The following MON2 variants were observed in gnomAD, a reference collection of about 807,000 sequenced individuals.
MON2 encodes MON2 regulator of endosome-to-Golgi trafficking, also known as protein MON2 homolog.
In MON2, 84 loss-of-function variants were observed where a neutral mutation model predicts 208.6. That is an observed-to-expected ratio of 0.40 (90% CI 0.34 to 0.48). The LOEUF (loss-of-function observed/expected upper bound fraction) is 0.48, where lower values mean the gene tolerates loss of function less well. Ranked by LOEUF, MON2 falls within the 20% of genes least tolerant of loss-of-function variation. MON2 has a pLI of 0.59. For missense variants in MON2, 1,611 were observed against 2,015.4 expected, an observed-to-expected ratio of 0.80 and a Z score of 3.84; for synonymous variants, 660 against 694.0, an observed-to-expected ratio of 0.95 and a Z score of 0.77.
chr12:62,549,640 C>T, intron 22 of MON2, 28 bp from the exon 23 acceptor site: 1 of 1,544,556 alleles, frequency 6.5e-7, no homozygotes, highest in East Asian at 2.3e-5. Context: ...AAAATAAGTG[C>T]ATCTGTATAC....
At chr12:62,506,617 T>A (rs1175832321) in intron 7 of MON2, among the ~76,000 whole-genome samples, 2 of 151,870 alleles carry the variant, frequency 1.3e-5, no homozygotes, top group African/African-American at 4.8e-5. Context: ...TCTCAGCTAC[T>A]TGGGAGGCTG....
rs1170644025 is a variant in MON2, at chr12:62,538,464, T to C, written c.2323T>C (p.Leu775=). The part of the protein sequence containing the change: ...LHHLINALCS[L]SLEAMDMAYG... ...TCATTTAATAAATGCACTTTGCTCC[T>C]TGTCTCTAGAAGCAATGGATATGGC... is the stretch of plus-strand genomic sequence containing the variant. The change falls in exon 19 of 35, where the codon TTG becomes CTG. Residue 775 remains leucine, a synonymous_variant. Coordinates refer to ENST00000393630, the MANE Select transcript of MON2 (RefSeq NM_015026.3). 6.8e-6 allele frequency: 11 copies of C among 1,611,422 alleles called. No individual in the cohort carries two copies. Among genetic ancestry groups the C allele is most frequent in the Non-Finnish European group, 8.5e-6 (10 of 1,178,062 alleles).
intron 11 of MON2, among the ~76,000 whole-genome samples, chr12:62,528,911 A>G (rs754836193): frequency 1.3e-5 from 2 of 152,126 alleles, no homozygotes; most frequent in Non-Finnish European, 2.9e-5. Context: ...AAATAGGTAA[A>G]CATGTGTCAT....
intron 1 of MON2, chr12:62,470,616 A>T: frequency 2.2e-6 from 1 of 455,300 alleles, no homozygotes; most frequent in Non-Finnish European, 3.0e-6. Flanking sequence ...ATTAATATTC[A>T]GTGGCCTTTA....
In MON2 at chr12:62,526,071, A is replaced by G. The variant is rs1326791830; in HGVS notation, c.1369A>G (p.Ile457Val). ...YRGTWIPILT[I>V]TVQGSAKATY... is the part of the protein sequence containing the mutation. The stretch of plus-strand genomic sequence containing the variant: ...GGGAACCTGGATACCTATTCTGACA[A>G]TCACAGTTCAAGGCAGTGCTAAAGC... Residue 457 changes from isoleucine to valine, a missense_variant, in exon 11 of 35, where the codon ATC (isoleucine) becomes GTC (valine). By Grantham distance (29) the Ile-to-Val change is conservative (BLOSUM62 3). Coordinates refer to ENST00000393630, the MANE Select transcript of MON2 (RefSeq NM_015026.3). The G allele has an allele frequency of 6.2e-7, 1 of 1,613,926 alleles. No individual in the cohort carries two copies. The highest frequency in any genetic ancestry group is 1.3e-5 in the African/African-American group (1 of 75,008).
At chr12:62,524,683 T>TAAAC in intron 9 of MON2, 44 bp downstream of exon 9, 1 of 1,566,232 alleles carries the variant, frequency 6.4e-7, no homozygotes, top group Non-Finnish European at 8.7e-7. Flanking sequence ...GGTTAATGTT[T>TAAAC]ATTAACCTGT....
At position 62,467,222 on chromosome 12, in the gene MON2, C is replaced by A; in HGVS notation, c.15C>A (p.Ser5Arg). The A allele has an allele frequency of 6.2e-7, 1 of 1,612,920 alleles. No individual in the cohort carries two copies. The highest frequency in any genetic ancestry group is 8.5e-7 in the Non-Finnish European group (1 of 1,179,960). The part of the protein sequence containing the change: MSGT[S>R]SPEAVKKLLE... ...CTTGGAGGATCATGTCCGGCACCAG[C>A]AGCCCCGAGGCGGTGAAGAAGCTGC... Residue 5 changes from serine to arginine, a missense_variant, in exon 1 of 35, where the codon AGC (serine) becomes AGA (arginine). Transcript: ENST00000393630.
chr12:62,580,225 AT>A, intron 31 of MON2, 71 bp from the exon 32 acceptor site: 1 of 1,445,140 alleles, frequency 6.9e-7, no homozygotes. Flanking sequence ...TAAAATTTAA[AT>A]TTTACTCTAG....
At chr12:62,525,024 G>A (rs1387596912) in intron 9 of MON2, 60 bp from the exon 10 acceptor site, 1 of 1,402,302 alleles carries the variant, frequency 7.1e-7, no homozygotes, top group African/African-American at 1.4e-5. Flanking sequence ...CTATAAAAAG[G>A]TTTACAGTTT....
At chr12:62,591,626 T>C (rs1169901767) in intron 34 of MON2, among the ~76,000 whole-genome samples, 1 of 152,154 alleles carries the variant, frequency 6.6e-6, no homozygotes, top group Non-Finnish European at 1.5e-5. Context: ...AAGAAGTAAA[T>C]TGAGGAACAC....
intron 1 of MON2, among the ~76,000 whole-genome samples, chr12:62,478,120 T>C (rs537435046): frequency 7.1e-6 from 1 of 140,378 alleles, no homozygotes; most frequent in East Asian, 2.0e-4. Flanking sequence ...GTAGATATAA[T>C]TTGTGTGTGT....
Position 62,543,213 on chromosome 12 carries a change from T to G in MON2, c.2466+15T>G, listed in dbSNP as rs1387201653. ...ATCTACTTGAGGTAAATTCTCTTTCTTAAATATATTTAATTTTTTAATAAA... is the reference window on the plus strand; with the variant it reads ...ATCTACTTGAGGTAAATTCTCTTTCGTAAATATATTTAATTTTTTAATAAA... On this transcript the variant is annotated intron_variant, in intron 20 of 34. Transcript: ENST00000393630. 3.0e-6 allele frequency: 4 copies of G among 1,328,352 alleles called. No individual in the cohort carries two copies. The highest frequency in any genetic ancestry group is 4.1e-6 in the Non-Finnish European group (4 of 974,216). 82.3% of individuals were successfully genotyped at this position (1,328,352 alleles called of 1,614,324 possible).
rs143931901 is a variant in MON2, at chr12:62,497,281, T to A, written c.436-1638T>A. 4.1e-3 allele frequency among the ~76,000 whole-genome samples: 629 copies of A among 151,906 alleles called. 7 individuals carry two copies. The highest frequency in any genetic ancestry group is 0.014 in the African/African-American group (596 of 41,436). ...TACACATATGTAACTAACCTGCACA[T>A]TGTGCACATGTACCCTAAAACTTAA... is the stretch of plus-strand genomic sequence containing the variant. On this transcript the variant is annotated intron_variant, in intron 4 of 34. Transcript: ENST00000393630.
At position 62,508,351 on chromosome 12, in the gene MON2, A is replaced by G; in HGVS notation, c.855A>G (p.Pro285=). 2 of 1,614,004 alleles carry G rather than the reference A, an allele frequency of 1.2e-6. No homozygotes were observed. Among genetic ancestry groups the G allele is most frequent in the South Asian group, 2.2e-5 (2 of 91,088 alleles). The change falls in exon 8 of 35, where the codon CCA becomes CCG. Residue 285 remains proline, a synonymous_variant. Coordinates refer to ENST00000393630, the MANE Select transcript of MON2 (RefSeq NM_015026.3). The part of the protein sequence containing the change: ...VCPLVIKLFS[P]NIKFRQGSST... ...CTCTTGTGATAAAGCTCTTTTCTCC[A>G]AATATAAAGTTCAGACAAGGTTCCA...
intron 25 of MON2, among the ~76,000 whole-genome samples, chr12:62,559,080 A>T (rs73141067): frequency 0.039 from 5,915 of 152,252 alleles, 159 homozygotes; most frequent in Middle Eastern, 0.068. Flanking sequence ...GTAGGCAGAT[A>T]GTACCTATTG....
intron 8 of MON2, among the ~76,000 whole-genome samples, chr12:62,513,299 C>A (rs1419754743): frequency 6.6e-6 from 1 of 152,036 alleles, no homozygotes; most frequent in African/African-American, 2.4e-5. Flanking sequence ...CATCTTGGCT[C>A]ACTGCAACCT....
chr12:62,475,682 C>T (rs1171872823), intron 1 of MON2, among the ~76,000 whole-genome samples: 1 of 147,842 alleles, frequency 6.8e-6, no homozygotes, highest in Non-Finnish European at 1.5e-5. Flanking sequence ...GGATTACAAG[C>T]GTGAGCCACC....
Position 62,597,208 on chromosome 12 carries a change from C to T in MON2, c.*4459C>T, listed in dbSNP as rs543620101. 94 of 151,900 alleles carry T rather than the reference C, an allele frequency of 6.2e-4. No homozygotes were observed. The highest frequency in any genetic ancestry group is 2.2e-3 in the African/African-American group (93 of 41,464). 9.4% of individuals were successfully genotyped at this position (151,900 alleles called of 1,614,324 possible). ...TTTTCTTCCTTTTTCTTGGACATCA[C>T]TTTCTTCCCTCCCCTTCTCTCTTTT... On this transcript the variant is annotated 3_prime_UTR_variant, in exon 35 of 35. Coordinates refer to ENST00000393630, the MANE Select transcript of MON2 (RefSeq NM_015026.3).
chr12:62,516,651 C>T (rs2071706758), intron 8 of MON2, among the ~76,000 whole-genome samples: 1 of 152,082 alleles, frequency 6.6e-6, no homozygotes, highest in Non-Finnish European at 1.5e-5. Flanking sequence ...TTGCGGCGAG[C>T]CAAGATTGTG....
Sources: gnomAD v4.1 joint callset for allele counts (sites outside exome capture counted in the v4.1 genomes callset) on GRCh38, gnomAD v4.1.1 for gene constraint, MANE v1.5 for transcripts, NCBI Gene and HGNC (gene_info 2026-07-23, HGNC 2026-07-21) for gene names.